Variants in NRXN3 observed in about 807,000 individuals in gnomAD.
The protein encoded by NRXN3 is neurexin III.
Under a neutral mutation model 137.6 loss-of-function variants are expected in NRXN3, and 32 were observed. That is an observed-to-expected ratio of 0.23 (90% CI 0.18 to 0.31). NRXN3 has a LOEUF of 0.31. Among genes scored for constraint, NRXN3 ranks in the 10% least tolerant of loss-of-function variants. The probability of loss-of-function intolerance (pLI) is 1.00; values close to 1 mark genes in which losing one functional copy is unlikely to be tolerated. For synonymous variants in NRXN3, 798 were observed against 784.5 expected, an observed-to-expected ratio of 1.02 and a Z score of -0.29; for missense variants, 1,574 against 2,062.5, an observed-to-expected ratio of 0.76 and a Z score of 4.59.
At chr14:79,431,283 A>G (rs1173839253) in intron 15 of NRXN3, among the ~76,000 whole-genome samples, 1 of 152,180 alleles carries the variant, frequency 6.6e-6, no homozygotes, top group Non-Finnish European at 1.5e-5. Context: ...AGAATTGGTT[A>G]GGTATAGAAA....
At chr14:79,693,931 A>G (rs1315501485) in intron 18 of NRXN3, among the ~76,000 whole-genome samples, 9 of 151,974 alleles carry the variant, frequency 5.9e-5, no homozygotes, top group African/African-American at 2.2e-4. Flanking sequence ...TTTTTGTTGT[A>G]ATTTGGGTGA....
At chr14:79,420,451 CCAATAATGGAA>C (rs1484356971) in intron 15 of NRXN3, among the ~76,000 whole-genome samples, 1 of 151,984 alleles carries the variant, frequency 6.6e-6, no homozygotes, top group African/African-American at 2.4e-5. Context: ...GCTTAGTGTT[CCAATAATGGAA>C]CACTAGGCAT....
rs528664796 is a variant in NRXN3, at chr14:78,597,804, A to G, written c.758-47316A>G. 4.6e-5 allele frequency among the ~76,000 whole-genome samples: 7 copies of G among 152,308 alleles called. No individual in the cohort carries two copies. The South Asian group carries it at 1.5e-3, about 32-fold the overall frequency. On this transcript the variant is annotated intron_variant, in intron 4 of 20. Coordinates refer to ENST00000335750, the MANE Select transcript of NRXN3 (RefSeq NM_001330195.2). ...CAATGTCCTTTCATGAAGACATATA[A>G]ACAGTGGCCATGAGTCAAGGGGATG...
chr14:79,368,683 G>T (rs2093985201), intron 15 of NRXN3, among the ~76,000 whole-genome samples: 1 of 152,124 alleles, frequency 6.6e-6, no homozygotes, highest in South Asian at 2.1e-4. Flanking sequence ...ATCTCTGTCT[G>T]CCAGAAGATG....
intron 10 of NRXN3, among the ~76,000 whole-genome samples, chr14:78,846,831 C>T (rs762384387): frequency 1.3e-5 from 2 of 152,150 alleles, no homozygotes; most frequent in Non-Finnish European, 2.9e-5. Flanking sequence ...CACCTTCTCT[C>T]TATTTTCTAC....
At chr14:78,641,743 G>A (rs899120623) in intron 4 of NRXN3, among the ~76,000 whole-genome samples, 2 of 152,144 alleles carry the variant, frequency 1.3e-5, no homozygotes, top group African/African-American at 4.8e-5. Context: ...GTTGTGAATG[G>A]TTACAGCAAT....
At chr14:78,204,338 A>G (rs6574425) in intron 1 of NRXN3, among the ~76,000 whole-genome samples, 100,367 of 151,886 alleles carry the variant, frequency 0.66, 33,355 homozygotes, top group Middle Eastern at 0.72. Context: ...TGTGAGGAAA[A>G]AATATGTTTG....
chr14:78,293,422 A>T (rs1186307811), intron 3 of NRXN3, among the ~76,000 whole-genome samples: 2 of 152,134 alleles, frequency 1.3e-5, no homozygotes, highest in Non-Finnish European at 2.9e-5. Flanking sequence ...TGTCATACAG[A>T]ACTTATTATC....
intron 10 of NRXN3, among the ~76,000 whole-genome samples, chr14:78,904,566 G>T (rs1318050735): frequency 1.6e-4 from 24 of 151,970 alleles, no homozygotes; most frequent in Admixed American, 1.6e-3. Flanking sequence ...AAATACAGAT[G>T]ATTTCTAGAG....
chr14:79,604,301 C>A (rs2097969193), intron 16 of NRXN3, among the ~76,000 whole-genome samples: 1 of 151,984 alleles, frequency 6.6e-6, no homozygotes, highest in African/African-American at 2.4e-5. Flanking sequence ...GTGGTGTGAT[C>A]TCAGCTCACT....
intron 16 of NRXN3, among the ~76,000 whole-genome samples, chr14:79,531,142 C>G (rs1271632623): frequency 6.6e-6 from 1 of 152,142 alleles, no homozygotes; most frequent in Non-Finnish European, 1.5e-5. Flanking sequence ...ATCCTCCTTC[C>G]CAATCCTCTT....
Position 79,147,220 on chromosome 14 carries a change from G to A in NRXN3, c.3262+159079G>A, listed in dbSNP as rs971891191. ...GCTGTGTGCAGAAGCCAGCAGCTCCGGGGAGAGCTGACGTTGAATGCTTAT... is the reference window on the plus strand; with the variant it reads ...GCTGTGTGCAGAAGCCAGCAGCTCCAGGGAGAGCTGACGTTGAATGCTTAT... On this transcript the variant is annotated intron_variant, in intron 15 of 20. Transcript: ENST00000335750. 6.8e-4 allele frequency among the ~76,000 whole-genome samples: 103 copies of A among 152,254 alleles called. 1 individual carries two copies. Among genetic ancestry groups the A allele is most frequent in the African/African-American group, 2.3e-3 (94 of 41,552 alleles).
chr14:79,317,514 T>G (rs962770298), intron 15 of NRXN3, among the ~76,000 whole-genome samples: 1 of 152,186 alleles, frequency 6.6e-6, no homozygotes, highest in Admixed American at 6.5e-5. Flanking sequence ...TTATCTTAGC[T>G]GATTACATCT....
intron 17 of NRXN3, among the ~76,000 whole-genome samples, chr14:79,664,234 G>A (rs1464154541): frequency 5.3e-5 from 8 of 152,138 alleles, no homozygotes; most frequent in Admixed American, 2.0e-4. Flanking sequence ...TGCAGGGCCT[G>A]TAGATGAGGA....
intron 15 of NRXN3, among the ~76,000 whole-genome samples, chr14:79,457,632 C>G (rs935201097): frequency 6.6e-6 from 1 of 152,098 alleles, no homozygotes; most frequent in Admixed American, 6.6e-5. Context: ...CCAGAAAAAT[C>G]GTGTTGTATG....
intron 1 of NRXN3, among the ~76,000 whole-genome samples, chr14:78,237,509 T>C (rs979330414): frequency 3.9e-5 from 6 of 152,216 alleles, no homozygotes; most frequent in African/African-American, 1.4e-4. Context: ...AATGATGGTG[T>C]CTGTCAAGTT....
chr14:79,569,653 G>A (rs1359281855), intron 16 of NRXN3, among the ~76,000 whole-genome samples: 1 of 151,652 alleles, frequency 6.6e-6, no homozygotes, highest in Non-Finnish European at 1.5e-5. Context: ...GAGAGAGACA[G>A]AGAGACAGAG....
chr14:78,611,761 A>G (rs111784239), intron 4 of NRXN3, among the ~76,000 whole-genome samples: 1 of 152,180 alleles, frequency 6.6e-6, no homozygotes, highest in East Asian at 1.9e-4. Flanking sequence ...TACCCACTTT[A>G]CTAGCACCCT....
chr14:79,782,356 TG>T (rs2099116384), intron 19 of NRXN3, among the ~76,000 whole-genome samples: 1 of 152,182 alleles, frequency 6.6e-6, no homozygotes, highest in African/African-American at 2.4e-5. Context: ...GACCTGAGCT[TG>T]GTTCTGTCTT....
Sources: gnomAD v4.1 joint callset for allele counts (sites outside exome capture counted in the v4.1 genomes callset) on GRCh38, gnomAD v4.1.1 for gene constraint, MANE v1.5 for transcripts, NCBI Gene and HGNC (gene_info 2026-07-23, HGNC 2026-07-21) for gene names.